HERC4: variants seen among roughly 807,000 people sequenced by gnomAD.
The protein encoded by HERC4 is HECT and RLD domain containing E3 ubiquitin protein ligase 4, also known as probable E3 ubiquitin-protein ligase HERC4.
A neutral mutation model predicts 124.3 loss-of-function variants in HERC4; 28 were observed. That is an observed-to-expected ratio of 0.23 (90% confidence interval 0.17 to 0.31). The LOEUF is 0.31. HERC4 is among the 10% of genes least tolerant of loss of function. The pLI, the probability that HERC4 is intolerant of heterozygous loss-of-function variation, is 1.00. For missense variants in HERC4, 713 were observed against 1,229.3 expected (o/e 0.58, Z 6.28); for synonymous variants, 407 against 421.5 (o/e 0.97, Z 0.42).
At chr10:67,958,374 T>C (rs1589180225) in intron 16 of HERC4, among the ~76,000 whole-genome samples, 1 of 125,446 alleles carries the variant, frequency 8.0e-6, no homozygotes, top group Non-Finnish European at 1.9e-5. Context: ...AAAGCACCCT[T>C]TGGCTTCAAA....
At chr10:67,975,902 T>TAC (rs2035558302) in intron 15 of HERC4, among the ~76,000 whole-genome samples, 1 of 152,188 alleles carries the variant, frequency 6.6e-6, no homozygotes, top group Non-Finnish European at 1.5e-5. Flanking sequence ...ATACTGCTAT[T>TAC]ACTAGCTTTC....
At chr10:68,046,553 GCGTCCTAGCCCTCAA>G (rs1240060739) in intron 3 of HERC4, among the ~76,000 whole-genome samples, 1 of 152,318 alleles carries the variant, frequency 6.6e-6, no homozygotes, top group East Asian at 1.9e-4. Context: ...AATAAAATAA[GCGTCCTAGCCCTCAA>G]TGAGTTTACA....
In HERC4 at chr10:67,922,124, T is replaced by C. The variant is rs143963345; in HGVS notation, c.*807A>G. The C allele has an allele frequency of 6.6e-6, 1 of 152,288 alleles. No homozygotes were observed. The highest frequency in any genetic ancestry group is 1.5e-5 in the Non-Finnish European group (1 of 68,002). The allele number at this position is 152,288 out of a possible 1,614,324, so 9.4% of individuals were successfully genotyped here. ...TAGCTCTAAAGCACTGCAGCATCAA[T>C]AATTTTGAAAGCTATAACCCAGTGA... is the stretch of plus-strand genomic sequence containing the variant. On this transcript the variant is annotated 3_prime_UTR_variant, in exon 25 of 25. Transcript: ENST00000373700.
intron 8 of HERC4, among the ~76,000 whole-genome samples, chr10:68,015,009 C>A (rs922494149): frequency 2.0e-5 from 3 of 152,164 alleles, no homozygotes; most frequent in Admixed American, 6.5e-5. Context: ...TCCCTCTAAC[C>A]ATACCCATAT....
intron 9 of HERC4, among the ~76,000 whole-genome samples, chr10:68,009,530 G>A (rs1370724846): frequency 6.6e-6 from 1 of 152,284 alleles, no homozygotes; most frequent in South Asian, 2.1e-4. Flanking sequence ...TTGAGGCTTT[G>A]CAAGTCTTAA....
In HERC4 at chr10:68,072,920, T is replaced by C. The variant is rs1307675610; in HGVS notation, c.189A>G (p.Leu63=). The C allele has an allele frequency of 1.9e-6, 3 of 1,612,592 alleles. No individual in the cohort carries two copies. Among genetic ancestry groups the C allele is most frequent in the Non-Finnish European group, 2.5e-6 (3 of 1,179,350 alleles). The change falls in exon 3 of 25, where the codon CTA becomes CTG. Residue 63 remains leucine, a synonymous_variant. Transcript: ENST00000373700. ...GTVYTCGCND[L]GQLGHEKSRK... Reference sequence around the variant, plus strand: ...TGGATTTTTCATGACCTAGCTGTCCTAGATCATTACATCCACATGTGTACA... The same window carrying C: ...TGGATTTTTCATGACCTAGCTGTCCCAGATCATTACATCCACATGTGTACA...
intron 8 of HERC4, among the ~76,000 whole-genome samples, chr10:68,014,749 A>G (rs1382493115): frequency 6.6e-6 from 1 of 152,222 alleles, no homozygotes; most frequent in Non-Finnish European, 1.5e-5. Flanking sequence ...CAAACCTAAG[A>G]AACCACAGAT....
At chr10:67,992,961 T>C (rs1320610449) in intron 9 of HERC4, 6 of 224,756 alleles carry the variant, frequency 2.7e-5, no homozygotes. Flanking sequence ...CTAATCTGCA[T>C]CTCAGTATAT....
chr10:67,990,083 CA>C, intron 14 of HERC4, 127 bp downstream of exon 14: 2 of 639,078 alleles, frequency 3.1e-6, no homozygotes, highest in Non-Finnish European at 5.1e-6. Context: ...AAAGGAAAAA[CA>C]GGTTCATTTT....
intron 5 of HERC4, among the ~76,000 whole-genome samples, chr10:68,037,197 C>T (rs1040924545): frequency 6.7e-6 from 1 of 149,928 alleles, no homozygotes. Context: ...CGGGTTCAAG[C>T]GATTCTCCTG....
intron 3 of HERC4, among the ~76,000 whole-genome samples, chr10:68,062,472 C>T (rs1013879528): frequency 1.3e-5 from 2 of 151,928 alleles, no homozygotes; most frequent in African/African-American, 4.8e-5. Context: ...GGACTACCAT[C>T]GGCCGGGCAC....
rs1189369343 is a variant in HERC4 at position 68,025,932 on chromosome 10, TTTCA to T, written c.778-260_778-257del. Reference sequence around the variant, plus strand: ...CAAATAATTATTTATTTGCATTGCCTTTCATTATCATTATACTGTCTTGCTGAAT... The same window carrying T: ...CAAATAATTATTTATTTGCATTGCCTTTATCATTATACTGTCTTGCTGAAT... On this transcript the variant is annotated intron_variant, in intron 7 of 24. Transcript: ENST00000373700. 2.0e-5 allele frequency among the ~76,000 whole-genome samples: 3 copies of T among 152,208 alleles called. No individual in the cohort carries two copies. The East Asian group carries it at 5.8e-4, about 29-fold the overall frequency.
chr10:67,982,621 G>A (rs796479705), intron 15 of HERC4, among the ~76,000 whole-genome samples: 6 of 152,118 alleles, frequency 3.9e-5, no homozygotes, highest in African/African-American at 9.6e-5. Flanking sequence ...GTGGACAAAC[G>A]GGATTACATT....
chr10:67,927,467 C>G (rs1483756518), intron 23 of HERC4, among the ~76,000 whole-genome samples: 4 of 119,708 alleles, frequency 3.3e-5, no homozygotes, highest in African/African-American at 1.2e-4. Context: ...TGCTCTGTCA[C>G]CAGGCTGGAA....
intron 5 of HERC4, among the ~76,000 whole-genome samples, chr10:68,035,906 T>C (rs2039437870): frequency 6.6e-6 from 1 of 152,194 alleles, no homozygotes; most frequent in African/African-American, 2.4e-5. Context: ...TTTATAGCCC[T>C]TATCATAGTA....
At position 68,061,879 on chromosome 10, in the gene HERC4, T is replaced by TAAAAAAA. The variant is rs71470503; in HGVS notation, c.226+10997_226+11003dup. Among the ~76,000 whole-genome samples the TAAAAAAA allele has an allele frequency of 6.2e-4, 34 of 54,874 alleles. 1 individual carries two copies. Among genetic ancestry groups the TAAAAAAA allele is most frequent in the African/African-American group, 2.1e-3 (26 of 12,096 alleles). 36.0% of individuals were successfully genotyped at this position (54,874 alleles called of 152,430 possible). A position where few individuals can be genotyped will look rare whatever the true frequency, so the allele number is the denominator to read the frequency against. On this transcript the variant is annotated intron_variant, in intron 3 of 24. Transcript: ENST00000373700. ...CTGGGTGACAGAGCGAGACTCCATTTAAAAAAAAAAAAAAAAAAAAAAAAA... is the reference window on the plus strand; with the variant it reads ...CTGGGTGACAGAGCGAGACTCCATTTAAAAAAAAAAAAAAAAAAAAAAAAAAAAAAAA...
chr10:68,022,248 C>T (rs2038668798), intron 8 of HERC4, among the ~76,000 whole-genome samples: 1 of 152,078 alleles, frequency 6.6e-6, no homozygotes, highest in Non-Finnish European at 1.5e-5. Flanking sequence ...GCCTGTAATC[C>T]CAACACTTTG....
At chr10:68,071,450 T>C (rs1012482101) in intron 3 of HERC4, among the ~76,000 whole-genome samples, 1 of 152,224 alleles carries the variant, frequency 6.6e-6, no homozygotes, top group African/African-American at 2.4e-5. Flanking sequence ...TCAGAAATTA[T>C]TAAAGTAATA....
intron 15 of HERC4, among the ~76,000 whole-genome samples, chr10:67,985,027 A>G (rs1366201719): frequency 6.6e-6 from 1 of 152,234 alleles, no homozygotes; most frequent in Non-Finnish European, 1.5e-5. Flanking sequence ...TATGATATAT[A>G]CGTTTTTGAA....
Sources: gnomAD v4.1 joint callset for allele counts (sites outside exome capture counted in the v4.1 genomes callset) on GRCh38, gnomAD v4.1.1 for gene constraint, MANE v1.5 for transcripts, NCBI Gene and HGNC (gene_info 2026-07-23, HGNC 2026-07-21) for gene names.